The following PRKAG2 variants were observed in gnomAD, a reference collection of about 807,000 sequenced individuals.
The protein encoded by PRKAG2 is protein kinase AMP-activated non-catalytic subunit gamma 2.
In PRKAG2, 26 loss-of-function variants were observed where a neutral mutation model predicts 69.6. That is an observed-to-expected ratio of 0.37 (90% confidence interval 0.27 to 0.52). The LOEUF (loss-of-function observed/expected upper bound fraction) is 0.52. PRKAG2 is among the 20% of genes least tolerant of loss of function. PRKAG2 has a pLI of 0.90. For missense variants in PRKAG2, 557 were observed against 740.0 expected (o/e 0.75, Z 2.87); for synonymous variants, 293 against 285.0 (o/e 1.03, Z -0.28).
At chr7:151,786,562 G>T in intron 1 of PRKAG2, 21 bp from the exon 2 acceptor site, 1 of 1,605,696 alleles carries the variant, frequency 6.2e-7, no homozygotes. Context: ...CAGAGAGCAC[G>T]TGGTCAGTGA....
At chr7:151,746,815 C>G (rs1478259372) in intron 3 of PRKAG2, among the ~76,000 whole-genome samples, 1 of 152,152 alleles carries the variant, frequency 6.6e-6, no homozygotes, top group Non-Finnish European at 1.5e-5. Flanking sequence ...AGCGCTTGGA[C>G]TTGCAATAGG....
intron 3 of PRKAG2, among the ~76,000 whole-genome samples, chr7:151,725,668 A>C (rs917840394): frequency 1.3e-5 from 2 of 152,154 alleles, no homozygotes; most frequent in African/African-American, 4.8e-5. Flanking sequence ...ATTATTTATA[A>C]TTTGTATTCA....
intron 1 of PRKAG2, among the ~76,000 whole-genome samples, chr7:151,820,951 C>G (rs558264262): frequency 3.8e-4 from 1 of 2,600 alleles, no homozygotes; most frequent in African/African-American, 1.1e-3. Flanking sequence ...TCTTAGGACC[C>G]CCCCCAGCCA....
At chr7:151,846,382 C>T (rs1231049756) in intron 1 of PRKAG2, among the ~76,000 whole-genome samples, 1 of 152,128 alleles carries the variant, frequency 6.6e-6, no homozygotes, top group African/African-American at 2.4e-5. Context: ...GCAGGAGAAT[C>T]ACTTGAAACC....
intron 3 of PRKAG2, among the ~76,000 whole-genome samples, chr7:151,772,984 TGAAAGAAAGAAAGAAA>T (rs1257330966): frequency 4.2e-5 from 3 of 71,768 alleles, no homozygotes; most frequent in Non-Finnish European, 5.1e-5. Context: ...TCTAAATGAA[TGAAAGAAAGAAAGAAA>T]GAAAGAAAGA....
chr7:151,749,990 G>A (rs756753342), intron 3 of PRKAG2, among the ~76,000 whole-genome samples: 1 of 151,738 alleles, frequency 6.6e-6, no homozygotes, highest in East Asian at 1.9e-4. Context: ...CCAGCTACTC[G>A]GGAGGCTGAG....
intron 6 of PRKAG2, among the ~76,000 whole-genome samples, chr7:151,588,646 C>T (rs1812274331): frequency 6.6e-6 from 1 of 152,154 alleles, no homozygotes; most frequent in Non-Finnish European, 1.5e-5. Context: ...AGGCGTGAGA[C>T]ACCGCACCCA....
intron 4 of PRKAG2, among the ~76,000 whole-genome samples, chr7:151,663,990 G>A (rs1258206727): frequency 4.6e-5 from 7 of 152,154 alleles, no homozygotes; most frequent in Admixed American, 3.9e-4. Context: ...GCATGAAAAC[G>A]GCAAGGACAA....
At chr7:151,623,905 T>C (rs1201339323) in intron 5 of PRKAG2, among the ~76,000 whole-genome samples, 1 of 152,164 alleles carries the variant, frequency 6.6e-6, no homozygotes, top group African/African-American at 2.4e-5. Context: ...ACAATGCGCA[T>C]GTGTGTACTG....
chr7:151,608,267 C>T (rs774457728), intron 5 of PRKAG2, among the ~76,000 whole-genome samples: 7 of 152,172 alleles, frequency 4.6e-5, no homozygotes, highest in African/African-American at 1.7e-4. Context: ...AGGAAATAAA[C>T]TTCTGTTGTC....
At chr7:151,825,774 C>T (rs1050565972) in intron 1 of PRKAG2, among the ~76,000 whole-genome samples, 17 of 152,186 alleles carry the variant, frequency 1.1e-4, no homozygotes, top group African/African-American at 3.6e-4. Flanking sequence ...ACAAATGCAT[C>T]GAGCGAAGGG....
At chr7:151,710,952 A>G (rs1182004420) in intron 3 of PRKAG2, among the ~76,000 whole-genome samples, 1 of 152,102 alleles carries the variant, frequency 6.6e-6, no homozygotes, top group African/African-American at 2.4e-5. Context: ...AGTGCTAGGC[A>G]TATGGTACCA....
chr7:151,708,834 C>T (rs1307816325), intron 3 of PRKAG2, among the ~76,000 whole-genome samples: 1 of 152,228 alleles, frequency 6.6e-6, no homozygotes, highest in African/African-American at 2.4e-5. Flanking sequence ...AGCCAACAGC[C>T]TGGTGCTGCC....
chr7:151,807,653 G>A lies in PRKAG2; in HGVS notation c.115-21112C>T, dbSNP rs2151847469. On this transcript the variant is annotated intron_variant, in intron 1 of 15. Coordinates refer to ENST00000287878, the MANE Select transcript of PRKAG2 (RefSeq NM_016203.4). The surrounding 1 kb of genome is among the most constrained non-coding windows in gnomAD (Gnocchi z 4.4). ...TCCAACAGGTAAGTCCCAGCAGGGTGCGATGTCCCAAACCTACACAACCGT... is the reference window on the plus strand; with the variant it reads ...TCCAACAGGTAAGTCCCAGCAGGGTACGATGTCCCAAACCTACACAACCGT... The A allele has an allele frequency of 2.2e-6, 1 of 456,682 alleles. No homozygotes were observed. Among genetic ancestry groups the A allele is most frequent in the Middle Eastern group, 3.3e-4 (1 of 3,060 alleles). The allele number at this position is 456,682 out of a possible 1,614,324, so 28.3% of individuals were successfully genotyped here.
intron 1 of PRKAG2, among the ~76,000 whole-genome samples, chr7:151,826,078 G>C (rs1014995625): frequency 2.0e-5 from 3 of 152,010 alleles, no homozygotes; most frequent in African/African-American, 7.2e-5. Context: ...CTTTTCCCCA[G>C]TTGGTATGCA....
intron 1 of PRKAG2, among the ~76,000 whole-genome samples, chr7:151,820,419 C>T (rs971393814): frequency 3.4e-4 from 45 of 133,136 alleles, no homozygotes; most frequent in Non-Finnish European, 4.6e-4. Context: ...TTCTGCAGGG[C>T]ACACTCTACT....
At chr7:151,749,404 C>T (rs1014318672) in intron 3 of PRKAG2, among the ~76,000 whole-genome samples, 1 of 152,122 alleles carries the variant, frequency 6.6e-6, no homozygotes, top group African/African-American at 2.4e-5. Context: ...TTTCAGTAAG[C>T]GTTCAGTGTC....
intron 1 of PRKAG2, among the ~76,000 whole-genome samples, chr7:151,804,402 A>G (rs1441326081): frequency 6.6e-6 from 1 of 151,878 alleles, no homozygotes; most frequent in Non-Finnish European, 1.5e-5. Flanking sequence ...AGACAGGGGG[A>G]AGGGCCCCTT....
chr7:151,851,915 T>C (rs1371323450), intron 1 of PRKAG2, among the ~76,000 whole-genome samples: 1 of 151,974 alleles, frequency 6.6e-6, no homozygotes, highest in Non-Finnish European at 1.5e-5. Flanking sequence ...GGCTTCCTGC[T>C]CTGGTGAAGG....
Sources: gnomAD v4.1 joint callset for allele counts (sites outside exome capture counted in the v4.1 genomes callset) on GRCh38, gnomAD v4.1.1 for gene constraint, Gnocchi (gnomAD v3.1) non-coding constraint, MANE v1.5 for transcripts, NCBI Gene and HGNC (gene_info 2026-07-23, HGNC 2026-07-21) for gene names.